LEPR: variants seen among roughly 807,000 people sequenced by gnomAD.
LEPR encodes leptin receptor.
In LEPR, 56 loss-of-function variants were observed where a neutral mutation model predicts 114.7. That is an observed-to-expected ratio of 0.49 (90% confidence interval 0.39 to 0.61). The LOEUF (loss-of-function observed/expected upper bound fraction) is 0.61. Ranked by LOEUF, LEPR falls within the 20% of genes least tolerant of loss-of-function variation. The pLI is 0.00. For synonymous variants in LEPR, 443 were observed against 461.4 expected (o/e 0.96, Z 0.51); for missense variants, 1,202 against 1,352.9 (o/e 0.89, Z 1.75).
intron 3 of LEPR, among the ~76,000 whole-genome samples, chr1:65,568,521 T>A (rs925846747): frequency 6.6e-6 from 1 of 151,982 alleles, no homozygotes; most frequent in African/African-American, 2.4e-5. Context: ...TGTGTGTGTG[T>A]GTGTGCATGT....
chr1:65,589,779 T>C (rs1655566315), intron 5 of LEPR, among the ~76,000 whole-genome samples: 1 of 152,204 alleles, frequency 6.6e-6, no homozygotes, highest in South Asian at 2.1e-4. Flanking sequence ...TCATTTACTT[T>C]TTTTTGTTTT....
chr1:65,425,324 G>C lies in LEPR; in HGVS notation c.-75G>C. 6.2e-7 allele frequency: 1 copy of C among 1,611,446 alleles called. No homozygotes were observed. The highest frequency in any genetic ancestry group is 8.5e-7 in the Non-Finnish European group (1 of 1,179,362). ...ACAGCTCTCGTGGCATTATCCTTCA[G>C]TGGGGCTATTGGACTGACTTTTCTT... On this transcript the variant is annotated 5_prime_UTR_variant, in exon 2 of 20. Coordinates refer to ENST00000349533, the MANE Select transcript of LEPR (RefSeq NM_002303.6).
chr1:65,613,625 C>T (rs1350065157), intron 14 of LEPR, among the ~76,000 whole-genome samples: 2 of 129,610 alleles, frequency 1.5e-5, no homozygotes, highest in African/African-American at 5.5e-5. Flanking sequence ...CGGTGGCGGG[C>T]GCCTGTAGTC....
At chr1:65,456,629 C>G (rs952949604) in intron 2 of LEPR, among the ~76,000 whole-genome samples, 2 of 152,116 alleles carry the variant, frequency 1.3e-5, no homozygotes, top group Middle Eastern at 3.4e-3. Context: ...AATAGAGGTA[C>G]TCTTGTTTTC....
At chr1:65,533,890 C>T (rs918741133) in intron 2 of LEPR, among the ~76,000 whole-genome samples, 2 of 151,934 alleles carry the variant, frequency 1.3e-5, no homozygotes, top group Admixed American at 6.6e-5. Flanking sequence ...TCTTTTGTTC[C>T]GTATGTGCAT....
intron 2 of LEPR, among the ~76,000 whole-genome samples, chr1:65,468,666 T>C (rs1265472719): frequency 2.0e-5 from 3 of 152,208 alleles, no homozygotes; most frequent in Non-Finnish European, 4.4e-5. Flanking sequence ...TCTGCTCTGC[T>C]GTCATAGGGC....
chr1:65,438,570 AAAGAC>A (rs1233251863), intron 2 of LEPR, among the ~76,000 whole-genome samples: 2 of 151,512 alleles, frequency 1.3e-5, no homozygotes, highest in Non-Finnish European at 2.9e-5. Context: ...AAAAAAAAAA[AAAGAC>A]AGTTGAGCTA....
intron 2 of LEPR, among the ~76,000 whole-genome samples, chr1:65,544,960 C>T (rs1428672051): frequency 2.0e-5 from 3 of 149,874 alleles, no homozygotes; most frequent in African/African-American, 7.3e-5. Flanking sequence ...TCCCCACTCC[C>T]CCCACCCCAC....
intron 2 of LEPR, among the ~76,000 whole-genome samples, chr1:65,536,374 G>A (rs1016386635): frequency 3.9e-5 from 6 of 152,050 alleles, no homozygotes; most frequent in African/African-American, 1.4e-4. Context: ...TACAGGTGCC[G>A]GTGCCATGCT....
At position 65,636,748 on chromosome 1, in the gene LEPR, CTAT is replaced by C. The variant is rs1183527511; in HGVS notation, c.3236_3238del (p.Tyr1079del). On this transcript the variant is annotated inframe_deletion, in exon 20 of 20. Coordinates refer to ENST00000349533, the MANE Select transcript of LEPR (RefSeq NM_002303.6). ...AAGAAAATAATGATAAAAAGTCTAT[CTAT>C]TATTTAGGGGTCACCTCAATCAAAA... 8 of 1,613,210 alleles carry C rather than the reference CTAT, an allele frequency of 5.0e-6. No individual in the cohort carries two copies. The Admixed American group carries it at 6.7e-5, about 13-fold the overall frequency.
intron 2 of LEPR, among the ~76,000 whole-genome samples, chr1:65,485,915 A>G (rs1426430809): frequency 1.3e-5 from 2 of 152,154 alleles, no homozygotes; most frequent in Non-Finnish European, 2.9e-5. Context: ...GGAGTGTCAG[A>G]TGGAGTTACG....
At chr1:65,525,620 C>A in intron 2 of LEPR, 1 of 985,650 alleles carries the variant, frequency 1.0e-6, no homozygotes. Context: ...CCCACCCCAG[C>A]CTGCTCCTGC....
intron 2 of LEPR, among the ~76,000 whole-genome samples, chr1:65,497,715 G>A (rs962039728): frequency 6.6e-6 from 1 of 151,860 alleles, no homozygotes; most frequent in Non-Finnish European, 1.5e-5. Flanking sequence ...TACAGATTGT[G>A]GCATTTTCCT....
At chr1:65,540,912 A>G (rs948106758) in intron 2 of LEPR, among the ~76,000 whole-genome samples, 2 of 152,096 alleles carry the variant, frequency 1.3e-5, no homozygotes, top group Admixed American at 1.3e-4. Context: ...GCTCACTGTA[A>G]TCTCTGCCTT....
At chr1:65,425,040 T>C (rs979292933) in intron 1 of LEPR, among the ~76,000 whole-genome samples, 1 of 152,336 alleles carries the variant, frequency 6.6e-6, no homozygotes. Flanking sequence ...GACCTTTTTT[T>C]CTTTCTTTTT....
chr1:65,595,127 T>C (rs867749595), intron 6 of LEPR, among the ~76,000 whole-genome samples: 1 of 151,430 alleles, frequency 6.6e-6, no homozygotes, highest in African/African-American at 2.4e-5. Context: ...GAGACCTCCA[T>C]GTAAGCTGTT....
intron 2 of LEPR, among the ~76,000 whole-genome samples, chr1:65,492,711 C>T (rs1046166292): frequency 7.3e-5 from 11 of 151,684 alleles, no homozygotes; most frequent in African/African-American, 1.7e-4. Flanking sequence ...GTTAGGTATA[C>T]GTTACCATGA....
At chr1:65,627,975 A>G (rs1220791531) in intron 19 of LEPR, among the ~76,000 whole-genome samples, 2 of 152,076 alleles carry the variant, frequency 1.3e-5, no homozygotes. Flanking sequence ...AATCTATTCC[A>G]CTTTTGAAGC....
intron 5 of LEPR, among the ~76,000 whole-genome samples, chr1:65,588,115 TA>T (rs1380815951): frequency 1.3e-5 from 2 of 152,058 alleles, no homozygotes; most frequent in East Asian, 3.9e-4. Flanking sequence ...GAGACACTGT[TA>T]CTCCACACTC....
Sources: allele counts gnomAD v4.1 joint callset (sites outside exome capture counted in the v4.1 genomes callset), GRCh38; gene constraint gnomAD v4.1.1; transcripts MANE v1.5; gene names NCBI Gene and HGNC (gene_info 2026-07-23, HGNC 2026-07-21).